The following SFPQ variants were observed in gnomAD, a reference collection of about 807,000 sequenced individuals.
The protein encoded by SFPQ is splicing factor proline and glutamine rich.
Under a neutral mutation model 72.9 loss-of-function variants are expected in SFPQ, and 11 were observed. The ratio of observed to expected loss-of-function variants is 0.15; its 90% CI spans 0.09 to 0.25. The LOEUF is 0.25. Among genes scored for constraint, SFPQ ranks in the 10% least tolerant of loss-of-function variants. The pLI is 1.00. For missense variants in SFPQ, 847 were observed against 993.3 expected (o/e 0.85, Z 1.98); for synonymous variants, 506 against 367.3 (o/e 1.38, Z -4.32).
intron 6 of SFPQ, among the ~76,000 whole-genome samples, chr1:35,188,523 A>G (rs191675638): frequency 2.0e-5 from 3 of 152,336 alleles, no homozygotes; most frequent in African/African-American, 7.2e-5. Context: ...ATACAAAAAA[A>G]ATTAAAAAAT....
At chr1:35,190,035 C>T (rs758752084) in intron 4 of SFPQ, among the ~76,000 whole-genome samples, 7 of 152,006 alleles carry the variant, frequency 4.6e-5, no homozygotes, top group Admixed American at 1.3e-4. Flanking sequence ...CCGAGGTGGG[C>T]GACTCACCTG....
At chr1:35,179,469 C>T (rs139328695), downstream of SFPQ, 980 of 1,054,758 alleles carry the variant, frequency 9.3e-4, 2 homozygotes, top group South Asian at 1.6e-3. Flanking sequence ...AGACTGTTCT[C>T]ATTAAAAATA....
At chr1:35,178,651 G>A (rs1395580403), downstream of SFPQ, 2 of 1,056,456 alleles carry the variant, frequency 1.9e-6, no homozygotes, top group Non-Finnish European at 2.3e-6. Flanking sequence ...TTTTCTGAGG[G>A]AGAAGACATT....
intron 4 of SFPQ, among the ~76,000 whole-genome samples, chr1:35,189,955 A>C (rs1407320211): frequency 6.6e-6 from 1 of 151,482 alleles, no homozygotes; most frequent in Non-Finnish European, 1.5e-5. Flanking sequence ...CCAGCTCAAA[A>C]ACAAAACAAA....
chr1:35,185,890 C>T (rs935735532), intron 9 of SFPQ, among the ~76,000 whole-genome samples: 1 of 152,046 alleles, frequency 6.6e-6, no homozygotes, highest in Non-Finnish European at 1.5e-5. Flanking sequence ...TACCTGTTAT[C>T]TAGAATATAA....
Position 35,192,967 on chromosome 1 carries a change from A to AGGCCGCCGC in SFPQ, c.74_82dup (p.Arg25_Gly27dup). Reference sequence around the variant, plus strand: ...GGGCGGCGGAGAACGGAAGTCGTGGAGGCCGCCGCGGCCGCCGCCTCCTCC... The same window carrying AGGCCGCCGC: ...GGGCGGCGGAGAACGGAAGTCGTGGAGGCCGCCGCGGCCGCCGCGGCCGCCGCCTCCTCC... On this transcript the variant is annotated inframe_insertion, in exon 1 of 10. Transcript: ENST00000357214. The AGGCCGCCGC allele has an allele frequency of 1.3e-6, 2 of 1,534,714 alleles. No homozygotes were observed. Among genetic ancestry groups the AGGCCGCCGC allele is most frequent in the Non-Finnish European group, 8.7e-7 (1 of 1,145,562 alleles).
chr1:35,192,792 C>A lies in SFPQ; in HGVS notation c.258G>T (p.Gln86His), dbSNP rs747061231. 6.7e-7 allele frequency: 1 copy of A among 1,500,222 alleles called. No homozygotes were observed. The highest frequency in any genetic ancestry group is 1.2e-5 in the South Asian group (1 of 80,164). The allele number at this position is 1,500,222 out of a possible 1,614,324, so 92.9% of individuals were successfully genotyped here. A position where few individuals can be genotyped will look rare whatever the true frequency, so the allele number is the denominator to read the frequency against. The change falls in exon 1 of 10, where the codon CAG becomes CAT. Residue 86 changes from glutamine to histidine, a missense_variant. Physicochemically the swap from Gln to His is conservative, Grantham distance 24 (BLOSUM62 0). This residue lies in a region of SFPQ where 498 missense variants were observed against 405.1 expected (regional missense o/e 1.23). Coordinates refer to ENST00000357214, the MANE Select transcript of SFPQ (RefSeq NM_005066.3). ...GATGCGGCTGTGGATGCGGCGGCGG[C>A]TGATGCGGTGGCGGCTGCTGCGGCG... ...QPPPQQPPPHQPPPHPQPHQQ... is the reference protein window; with the variant it reads ...QPPPQQPPPHHPPPHPQPHQQ...
Position 35,183,225 on chromosome 1 carries a change from CTTTT to C in SFPQ, c.*1227_*1230del, listed in dbSNP as rs776963224. 5 of 761,348 alleles carry C rather than the reference CTTTT, an allele frequency of 6.6e-6. No homozygotes were observed. The highest frequency in any genetic ancestry group is 1.1e-4 in the Admixed American group (1 of 9,068). 47.2% of individuals were successfully genotyped at this position (761,348 alleles called of 1,614,324 possible). On this transcript the variant is annotated 3_prime_UTR_variant, in exon 10 of 10. Coordinates refer to ENST00000357214, the MANE Select transcript of SFPQ (RefSeq NM_005066.3). ...AACTAAACCTACTTCAGTACTAAACCTTTTTTTTTTTTTGAGACAGAGTCTCGCT... is the reference window on the plus strand; with the variant it reads ...AACTAAACCTACTTCAGTACTAAACCTTTTTTTTTGAGACAGAGTCTCGCT...
rs373691783 is a variant in SFPQ, at chr1:35,193,055, T to C, written c.-6A>G. On this transcript the variant is annotated 5_prime_UTR_variant, in exon 1 of 10. Coordinates refer to ENST00000357214, the MANE Select transcript of SFPQ (RefSeq NM_005066.3). ...CGGAACCGATCCCGAGACATGTCTG[T>C]GGTCAAGGGGCGGTCGAGGCAAAAG... 70 of 1,567,376 alleles carry C rather than the reference T, an allele frequency of 4.5e-5. 2 individuals are homozygous for C. The Middle Eastern group carries it at 5.0e-4, about 11-fold the overall frequency.
downstream of SFPQ, chr1:35,181,756 C>G: frequency 9.4e-7 from 1 of 1,061,754 alleles, no homozygotes; most frequent in Non-Finnish European, 1.1e-6. Flanking sequence ...TCCCCTTTCC[C>G]ACCCCAAGTT....
At chr1:35,190,669 T>C in intron 3 of SFPQ, 25 bp downstream of exon 3, 1 of 1,610,692 alleles carries the variant, frequency 6.2e-7, no homozygotes, top group Non-Finnish European at 8.5e-7. Context: ...TGATAGAAAT[T>C]ATTAGAATAA....
At chr1:35,188,121 G>A (rs200711867) in intron 6 of SFPQ, 31 bp from the exon 7 acceptor site, 24 of 1,456,976 alleles carry the variant, frequency 1.6e-5, no homozygotes, top group African/African-American at 6.9e-5. Context: ...CATAACTGAA[G>A]TGTTATCCAC....
At chr1:35,182,934 GA>G (rs2148609781), downstream of SFPQ, 2 of 1,044,476 alleles carry the variant, frequency 1.9e-6, no homozygotes, top group South Asian at 9.2e-5. Flanking sequence ...CAACACCATG[GA>G]AACATTCCAA....
Position 35,183,790 on chromosome 1 carries a change from A to T in SFPQ, c.*666T>A. The T allele has an allele frequency of 9.5e-7, 1 of 1,054,454 alleles. No homozygotes were observed. Among genetic ancestry groups the T allele is most frequent in the East Asian group, 5.3e-5 (1 of 18,754 alleles). 65.3% of individuals were successfully genotyped at this position (1,054,454 alleles called of 1,614,324 possible). A position where few individuals can be genotyped will look rare whatever the true frequency, so the allele number is the denominator to read the frequency against. ...GATCCATTTAATCAAACCCACTTTC[A>T]CCCCCTACCAATTGTCTTACACCCA... On this transcript the variant is annotated 3_prime_UTR_variant, in exon 10 of 10. Transcript: ENST00000357214.
rs1194949565 is a variant in SFPQ, at chr1:35,184,016, A to C, written c.*440T>G. On this transcript the variant is annotated 3_prime_UTR_variant, in exon 10 of 10. Transcript: ENST00000357214. The stretch of plus-strand genomic sequence containing the variant: ...CTTAGCCTCCAGATGCATTTCCCAG[A>C]AATGGCATATGCCATTCAAAGGCCT... The C allele has an allele frequency of 4.7e-6, 5 of 1,057,378 alleles. No homozygotes were observed. The highest frequency in any genetic ancestry group is 5.7e-6 in the Non-Finnish European group (5 of 874,268). The allele number at this position is 1,057,378 out of a possible 1,614,324, so 65.5% of individuals were successfully genotyped here. A position where few individuals can be genotyped will look rare whatever the true frequency, so the allele number is the denominator to read the frequency against.
At chr1:35,181,831 T>C (rs915001542), downstream of SFPQ, 31 of 984,656 alleles carry the variant, frequency 3.1e-5, no homozygotes, top group Non-Finnish European at 3.5e-5. Context: ...AACTATCATA[T>C]ATACATTGAA....
chr1:35,183,988 A>G lies in SFPQ; in HGVS notation c.*468T>C. 3.8e-6 allele frequency: 4 copies of G among 1,055,970 alleles called. No homozygotes were observed. Among genetic ancestry groups the G allele is most frequent in the Non-Finnish European group, 3.4e-6 (3 of 873,310 alleles). 65.4% of individuals were successfully genotyped at this position (1,055,970 alleles called of 1,614,324 possible). A position where few individuals can be genotyped will look rare whatever the true frequency, so the allele number is the denominator to read the frequency against. On this transcript the variant is annotated 3_prime_UTR_variant, in exon 10 of 10. Coordinates refer to ENST00000357214, the MANE Select transcript of SFPQ (RefSeq NM_005066.3). ...AGGGGGCAATTATTTGTAGAAAGCA[A>G]TACTTAGCCTCCAGATGCATTTCCC... is the stretch of plus-strand genomic sequence containing the variant.
chr1:35,189,594 G>A (rs1015341449), intron 4 of SFPQ, among the ~76,000 whole-genome samples: 4 of 152,062 alleles, frequency 2.6e-5, no homozygotes, highest in South Asian at 2.1e-4. Context: ...TACCTTCCTC[G>A]TTTTCTAATT....
At chr1:35,182,011 C>A (rs1163323076), downstream of SFPQ, 1 of 985,260 alleles carries the variant, frequency 1.0e-6, no homozygotes, top group African/African-American at 1.7e-5. Context: ...AGGAGATTAT[C>A]CATTAGCATC....
Sources: gnomAD v4.1 joint callset for allele counts (sites outside exome capture counted in the v4.1 genomes callset) on GRCh38, gnomAD v4.1.1 for gene constraint, gnomAD v4.1.1 regional missense constraint, MANE v1.5 for transcripts, NCBI Gene and HGNC (gene_info 2026-07-23, HGNC 2026-07-21) for gene names.